Variants in RSL1D1 observed in about 807,000 individuals in gnomAD.
The protein encoded by RSL1D1 is ribosomal L1 domain-containing protein 1.
RSL1D1 carries 34 observed loss-of-function variants against 44.6 expected under a neutral mutation model. That is an observed-to-expected ratio of 0.76 (90% CI 0.58 to 1.02). The LOEUF is 1.02. Ranked by LOEUF, RSL1D1 falls within the 50% of genes least tolerant of loss-of-function variation. The pLI is 0.00. For missense variants in RSL1D1, 767 were observed against 568.1 expected (o/e 1.35, Z -3.56); for synonymous variants, 271 against 207.4 (o/e 1.31, Z -2.63).
chr16:11,842,033 A>T (rs1401139518), intron 5 of RSL1D1, 33 bp from the exon 6 acceptor site: 1 of 1,477,770 alleles, frequency 6.8e-7, no homozygotes, highest in African/African-American at 1.4e-5. Context: ...ACAAGATTTT[A>T]AAAAACCATT....
chr16:11,844,869 T>C (rs956019247), intron 5 of RSL1D1, among the ~76,000 whole-genome samples: 3 of 152,194 alleles, frequency 2.0e-5, no homozygotes, highest in African/African-American at 4.8e-5. Context: ...GCTGATACAC[T>C]GCCAATAATA....
At chr16:11,850,000 G>C (rs1223814564) in intron 2 of RSL1D1, among the ~76,000 whole-genome samples, 1 of 152,104 alleles carries the variant, frequency 6.6e-6, no homozygotes, top group African/African-American at 2.4e-5. Flanking sequence ...GCTAATTTTT[G>C]TATTTTTGGA....
At chr16:11,849,952 C>T (rs1233042688) in intron 2 of RSL1D1, among the ~76,000 whole-genome samples, 4 of 152,154 alleles carry the variant, frequency 2.6e-5, no homozygotes, top group Non-Finnish European at 5.9e-5. Context: ...CTCAGCCTCC[C>T]GAGTAGCTGA....
intron 8 of RSL1D1, among the ~76,000 whole-genome samples, chr16:11,838,585 G>A (rs1020150335): frequency 1.8e-4 from 27 of 152,158 alleles, no homozygotes; most frequent in African/African-American, 6.5e-4. Flanking sequence ...GTATAGGTGA[G>A]GTGGCTCATG....
chr16:11,840,029 G>T, intron 7 of RSL1D1, 44 bp from the exon 8 acceptor site: 1 of 1,591,312 alleles, frequency 6.3e-7, no homozygotes. Context: ...GAACAGTTCT[G>T]TTGGTTAACA....
chr16:11,839,526 T>TA (rs55657359), intron 8 of RSL1D1, among the ~76,000 whole-genome samples, 169 bp downstream of exon 8: 2,513 of 121,382 alleles, frequency 0.021, 71 homozygotes, highest in African/African-American at 0.069. Flanking sequence ...AGATCCCATC[T>TA]AAAAAAAAAA....
In RSL1D1 at chr16:11,839,915, G is replaced by A. The variant is rs2053752711; in HGVS notation, c.926C>T (p.Ala309Val). The stretch of plus-strand genomic sequence containing the variant: ...ACTAAGAACTGATGCAGTCTTCCTA[G>A]CCTGCTGCCTCTTCTTCTTCCTCTC... ...QKERKKKRQQ[A>V]RKTASVLSKD... is the part of the protein sequence containing the mutation. The change falls in exon 8 of 9, where the codon GCT becomes GTT. Residue 309 changes from alanine (A) to valine (V), a missense_variant. Transcript: ENST00000571133. 6.2e-7 allele frequency: 1 copy of A among 1,614,004 alleles called. No homozygotes were observed. Among genetic ancestry groups the A allele is most frequent in the Non-Finnish European group, 8.5e-7 (1 of 1,180,004 alleles).
At chr16:11,851,285 C>T in intron 1 of RSL1D1, 123 bp downstream of exon 1, 1 of 912,062 alleles carries the variant, frequency 1.1e-6, no homozygotes, top group Non-Finnish European at 1.8e-6. Flanking sequence ...GCACACGGCC[C>T]GCCAGCGACC....
In RSL1D1 at chr16:11,837,250, CCA is replaced by C. The variant is rs1459698380; in HGVS notation, c.*535_*536del. Reference sequence around the variant, plus strand: ...CTTGGCTACCTAAAGTGCTGAACAACCACAGAGAAGCACTCTATTTTTCCCTC... The same window carrying C: ...CTTGGCTACCTAAAGTGCTGAACAACCAGAGAAGCACTCTATTTTTCCCTC... On this transcript the variant is annotated 3_prime_UTR_variant, in exon 9 of 9. Coordinates refer to ENST00000571133, the MANE Select transcript of RSL1D1 (RefSeq NM_015659.3). 4 of 153,038 alleles carry C rather than the reference CCA, an allele frequency of 2.6e-5. No individual in the cohort carries two copies. Among genetic ancestry groups the C allele is most frequent in the South Asian group, 2.1e-4 (1 of 4,824 alleles). The allele number at this position is 153,038 out of a possible 1,614,324, so 9.5% of individuals were successfully genotyped here.
intron 5 of RSL1D1, among the ~76,000 whole-genome samples, chr16:11,844,296 T>C (rs1238029888): frequency 1.3e-5 from 2 of 152,198 alleles, no homozygotes; most frequent in African/African-American, 2.4e-5. Flanking sequence ...TTTTTCTCAA[T>C]TGTCTGCAAC....
rs886172930 is a variant in RSL1D1, at chr16:11,837,708, C to T, written c.*79G>A. On this transcript the variant is annotated 3_prime_UTR_variant, in exon 9 of 9. Transcript: ENST00000571133. ...CAGGCCTGACGTTTAGAGAAGGTTA[C>T]AAAGGCGGCCAGGATCTGAGTATTT... 1.3e-5 allele frequency: 17 copies of T among 1,303,194 alleles called. No homozygotes were observed. The African/African-American group carries it at 2.5e-4, about 19-fold the overall frequency. 80.7% of individuals were successfully genotyped at this position (1,303,194 alleles called of 1,614,324 possible).
At chr16:11,848,168 G>A (rs1185458470) in intron 2 of RSL1D1, among the ~76,000 whole-genome samples, 2 of 152,024 alleles carry the variant, frequency 1.3e-5, no homozygotes, top group Admixed American at 6.6e-5. Flanking sequence ...CAGGATAATC[G>A]CTTCAACCCG....
Position 11,841,779 on chromosome 16 carries a change from T to C in RSL1D1, c.771A>G (p.Lys257=), listed in dbSNP as rs139039298. 5.6e-5 allele frequency: 90 copies of C among 1,614,122 alleles called. No homozygotes were observed. The East Asian group carries it at 1.8e-3, about 33-fold the overall frequency. ...AGGAAAAGATGGGAAGTGCAGCCGA[T>C]TTCTCAGTTTTCACAAACAGGAGTT... ...SVKLLFVKTE[K]SAALPIFSSF... The change falls in exon 7 of 9, where the codon AAA becomes AAG. Residue 257 remains lysine, a synonymous_variant. Coordinates refer to ENST00000571133, the MANE Select transcript of RSL1D1 (RefSeq NM_015659.3).
chr16:11,841,074 C>T (rs561311050), intron 7 of RSL1D1, among the ~76,000 whole-genome samples: 18 of 151,956 alleles, frequency 1.2e-4, no homozygotes, highest in African/African-American at 3.1e-4. Context: ...TTTCTATGAC[C>T]GGAAATATGT....
Position 11,838,103 on chromosome 16 carries a change from T to G in RSL1D1, c.1157A>C (p.His386Pro). Reference protein sequence around the residue: ...PANEKVEIQKHATGKKSPAKS... With the variant: ...PANEKVEIQKPATGKKSPAKS... ...TGCTGGAGACTTCTTTCCTGTGGCA[T>G]GTTTTTGAATCTAAGAAAAAAAAAA... The change falls in exon 9 of 9, where the codon CAT (histidine) becomes CCT (proline). Residue 386 changes from histidine to proline, a missense_variant. Transcript: ENST00000571133. 1 of 1,563,694 alleles carries G rather than the reference T, an allele frequency of 6.4e-7. No homozygotes were observed. Among genetic ancestry groups the G allele is most frequent in the Non-Finnish European group, 8.6e-7 (1 of 1,162,090 alleles).
Position 11,850,435 on chromosome 16 carries a change from A to G in RSL1D1, c.106-17T>C, listed in dbSNP as rs1316201585. ...CTTTCTAACCTGCAAAGTGGAAATT[A>G]GACAAATAAGTGAAATGTTTTCACA... On this transcript the variant is annotated splice_polypyrimidine_tract_variant and intron_variant, in intron 1 of 8. Coordinates refer to ENST00000571133, the MANE Select transcript of RSL1D1 (RefSeq NM_015659.3). 1.3e-6 allele frequency: 2 copies of G among 1,585,714 alleles called. No homozygotes were observed. Among genetic ancestry groups the G allele is most frequent in the Non-Finnish European group, 1.7e-6 (2 of 1,172,650 alleles).
chr16:11,851,368 C>T (rs745405580), intron 1 of RSL1D1, 40 bp downstream of exon 1: 1 of 1,589,510 alleles, frequency 6.3e-7, no homozygotes, highest in South Asian at 1.1e-5. Context: ...GAGGTAACCG[C>T]CACACTGCTT....
At chr16:11,842,913 G>A (rs1359182769) in intron 5 of RSL1D1, among the ~76,000 whole-genome samples, 3 of 135,014 alleles carry the variant, frequency 2.2e-5, no homozygotes, top group Non-Finnish European at 3.1e-5. Flanking sequence ...ATGCCACCAC[G>A]CCCAGCTAAT....
At chr16:11,847,594 C>T in intron 3 of RSL1D1, 74 bp downstream of exon 3, 2 of 1,185,528 alleles carry the variant, frequency 1.7e-6, no homozygotes, top group South Asian at 2.8e-5. Context: ...GGAAATATAG[C>T]AATGTATTTG....
Sources: allele counts gnomAD v4.1 joint callset (sites outside exome capture counted in the v4.1 genomes callset), GRCh38; gene constraint gnomAD v4.1.1; transcripts MANE v1.5; gene names NCBI Gene and HGNC (gene_info 2026-07-23, HGNC 2026-07-21).